FAM135B: variants seen among roughly 807,000 people sequenced by gnomAD.
FAM135B encodes protein FAM135B.
In FAM135B, 43 loss-of-function variants were observed where a neutral mutation model predicts 127.7. The ratio of observed to expected loss-of-function variants is 0.34; its 90% confidence interval spans 0.26 to 0.43. FAM135B has a LOEUF of 0.43. FAM135B is among the 20% of genes least tolerant of loss of function. FAM135B has a pLI of 1.00. For synonymous variants in FAM135B, 670 were observed against 665.1 expected, an observed-to-expected ratio of 1.01 and a Z score of -0.11; for missense variants, 1,558 against 1,725.6, an observed-to-expected ratio of 0.90 and a Z score of 1.72.
intron 1 of FAM135B, among the ~76,000 whole-genome samples, chr8:138,484,245 T>G (rs1379494947): frequency 6.6e-6 from 1 of 152,212 alleles, no homozygotes; most frequent in Non-Finnish European, 1.5e-5. Flanking sequence ...AAACAGGAGC[T>G]CTAGTCCTTT....
intron 2 of FAM135B, among the ~76,000 whole-genome samples, chr8:138,341,455 T>C (rs1311231286): frequency 3.3e-5 from 5 of 152,180 alleles, no homozygotes; most frequent in Admixed American, 1.3e-4. Context: ...GTTTAGTGGG[T>C]TCAGAGTTTC....
intron 3 of FAM135B, among the ~76,000 whole-genome samples, chr8:138,270,740 G>A (rs139597597): frequency 6.4e-4 from 97 of 152,350 alleles, no homozygotes; most frequent in African/African-American, 2.3e-3. Context: ...ACCCAGTAGG[G>A]TAAAGCCCTC....
chr8:138,168,522 A>G (rs927232510), intron 11 of FAM135B, among the ~76,000 whole-genome samples: 1 of 152,312 alleles, frequency 6.6e-6, no homozygotes, highest in Middle Eastern at 3.4e-3. Context: ...ATTGATTATT[A>G]CATGGATAGT....
rs1820917589 is a variant in FAM135B, at chr8:138,242,679, A to G, written c.669+263T>C. Among the ~76,000 whole-genome samples the G allele has an allele frequency of 6.6e-6, 1 of 152,138 alleles. No homozygotes were observed. The highest frequency in any genetic ancestry group is 2.1e-4 in the South Asian group (1 of 4,818). On this transcript the variant is annotated intron_variant, in intron 7 of 19. Transcript: ENST00000395297. This position sits in a 1 kb window ranked among gnomAD's most constrained non-coding sequence, Gnocchi z 9.6. Reference sequence around the variant, plus strand: ...AGCACAGCCTCCTGACCTACAGAGAACCATATTCTTCCAAGAGACCACATA... The same window carrying G: ...AGCACAGCCTCCTGACCTACAGAGAGCCATATTCTTCCAAGAGACCACATA...
At chr8:138,388,650 C>T (rs931451200) in intron 1 of FAM135B, among the ~76,000 whole-genome samples, 2 of 152,126 alleles carry the variant, frequency 1.3e-5, no homozygotes, top group Middle Eastern at 3.2e-3. Flanking sequence ...TCTGAAAATG[C>T]TATATACCAT....
In FAM135B at chr8:138,242,502, T is replaced by C. The variant is rs1371734356; in HGVS notation, c.669+440A>G. ...ACATTTATTACAACATTTGGGTACATATAACACTCCATGAGATTATTAGCT... is the reference window on the plus strand; with the variant it reads ...ACATTTATTACAACATTTGGGTACACATAACACTCCATGAGATTATTAGCT... On this transcript the variant is annotated intron_variant, in intron 7 of 19. Transcript: ENST00000395297. This position sits in a 1 kb window ranked among gnomAD's most constrained non-coding sequence, Gnocchi z 9.6. Among the ~76,000 whole-genome samples the C allele has an allele frequency of 1.3e-5, 2 of 152,054 alleles. No homozygotes were observed. Among genetic ancestry groups the C allele is most frequent in the African/African-American group, 4.8e-5 (2 of 41,392 alleles).
chr8:138,149,322 G>A (rs1263139850), intron 13 of FAM135B, among the ~76,000 whole-genome samples: 1 of 152,042 alleles, frequency 6.6e-6, no homozygotes, highest in Non-Finnish European at 1.5e-5. Flanking sequence ...TTTAAAAAGT[G>A]AAAGCTTCTT....
At chr8:138,442,962 T>G (rs780831584) in intron 1 of FAM135B, among the ~76,000 whole-genome samples, 32 of 152,170 alleles carry the variant, frequency 2.1e-4, no homozygotes, top group Non-Finnish European at 3.5e-4. Context: ...CGTCCCTGTG[T>G]GCGAGGATGG....
chr8:138,206,299 T>C, intron 7 of FAM135B, among the ~76,000 whole-genome samples: 1 of 151,228 alleles, frequency 6.6e-6, no homozygotes, highest in Non-Finnish European at 1.5e-5. Context: ...AGCTCTATCA[T>C]CCCCTCCACC....
At chr8:138,426,118 ATGTGTGTG>A (rs36037032) in intron 1 of FAM135B, among the ~76,000 whole-genome samples, 1 of 120,046 alleles carries the variant, frequency 8.3e-6, no homozygotes. Flanking sequence ...ATATACACAT[ATGTGTGTG>A]TGTGTGTGTG....
intron 1 of FAM135B, among the ~76,000 whole-genome samples, chr8:138,436,144 G>T (rs758219462): frequency 1.3e-5 from 2 of 152,122 alleles, no homozygotes; most frequent in Non-Finnish European, 2.9e-5. Context: ...GCAATTTAAT[G>T]CTTATCTTAC....
chr8:138,485,643 C>T (rs528428113), intron 1 of FAM135B, among the ~76,000 whole-genome samples: 4 of 152,282 alleles, frequency 2.6e-5, no homozygotes, highest in Admixed American at 6.5e-5. Context: ...GTCTTTCAAT[C>T]TCCTAGGGAG....
chr8:138,308,222 C>T (rs906214747), intron 3 of FAM135B, among the ~76,000 whole-genome samples: 2 of 152,190 alleles, frequency 1.3e-5, no homozygotes, highest in African/African-American at 4.8e-5. Context: ...CCAGCTGTCG[C>T]TCATCTGGTG....
At chr8:138,301,302 CCTT>C (rs1222822991) in intron 3 of FAM135B, among the ~76,000 whole-genome samples, 1 of 152,314 alleles carries the variant, frequency 6.6e-6, no homozygotes, top group Non-Finnish European at 1.5e-5. Context: ...CTATCAGAAA[CCTT>C]CTGACCAAAA....
At chr8:138,424,406 C>G (rs971306352) in intron 1 of FAM135B, among the ~76,000 whole-genome samples, 1 of 152,194 alleles carries the variant, frequency 6.6e-6, no homozygotes, top group African/African-American at 2.4e-5. Context: ...TCCCTGACTT[C>G]CCACAACAGT....
Position 138,152,095 on chromosome 8 carries a change from C to T in FAM135B, c.2380G>A (p.Gly794Ser), listed in dbSNP as rs762013653. 8 of 1,613,764 alleles carry T rather than the reference C, an allele frequency of 5.0e-6. No homozygotes were observed. In the South Asian group the frequency reaches 8.8e-5, roughly 18 times the overall value. ...TGCATATCTGAAGGTTCAGCAAAAC[C>T]TCCATCTTGCTGCTTGGTGTCCGCA... ...EDADTKQQDG[G>S]FAEPSDMHSK... Residue 794 changes from glycine to serine, a missense_variant, in exon 13 of 20, where the codon GGT (glycine) becomes AGT (serine). This residue lies in a region of FAM135B where 923 missense variants were observed against 865.3 expected (regional missense o/e 1.07). Coordinates refer to ENST00000395297, the MANE Select transcript of FAM135B (RefSeq NM_015912.4).
At chr8:138,145,305 C>T (rs1435944451) in intron 15 of FAM135B, among the ~76,000 whole-genome samples, 3 of 152,098 alleles carry the variant, frequency 2.0e-5, no homozygotes, top group Admixed American at 2.0e-4. Flanking sequence ...TGCGAGCCAC[C>T]GCGCCCAGCC....
chr8:138,355,060 T>C (rs1441897119), intron 2 of FAM135B, among the ~76,000 whole-genome samples: 5 of 152,118 alleles, frequency 3.3e-5, no homozygotes, highest in African/African-American at 1.2e-4. Context: ...CCTTCCTGTG[T>C]CCAAGTGTTC....
At chr8:138,492,758 C>T (rs572955293) in intron 1 of FAM135B, among the ~76,000 whole-genome samples, 1 of 152,216 alleles carries the variant, frequency 6.6e-6, no homozygotes, top group African/African-American at 2.4e-5. Flanking sequence ...CCTTCAGACT[C>T]AGCTTAGACT....
Sources: allele counts gnomAD v4.1 joint callset (sites outside exome capture counted in the v4.1 genomes callset), GRCh38; gene constraint gnomAD v4.1.1; regional missense constraint gnomAD v4.1.1; non-coding constraint Gnocchi (gnomAD v3.1); transcripts MANE v1.5; gene names NCBI Gene and HGNC (gene_info 2026-07-23, HGNC 2026-07-21).